HIRIP3: variants seen among roughly 807,000 people sequenced by gnomAD.
The protein encoded by HIRIP3 is HIRA-interacting protein 3.
HIRIP3 carries 40 observed loss-of-function variants against 50.3 expected under a neutral mutation model. The ratio of observed to expected loss-of-function variants is 0.79; its 90% CI spans 0.62 to 1.03. HIRIP3 has a LOEUF of 1.03. Among genes scored for constraint, HIRIP3 ranks in the 50% least tolerant of loss-of-function variants. HIRIP3 has a pLI of 0.00. For synonymous variants in HIRIP3, 318 were observed against 261.6 expected, an observed-to-expected ratio of 1.22 and a Z score of -2.08; for missense variants, 765 against 705.4, an observed-to-expected ratio of 1.08 and a Z score of -0.96.
rs2070047227 is a variant in HIRIP3 at position 29,994,661 on chromosome 16, C to T, written c.484G>A (p.Glu162Lys). 5.6e-6 allele frequency: 9 copies of T among 1,614,020 alleles called. No homozygotes were observed. The highest frequency in any genetic ancestry group is 1.3e-5 in the African/African-American group (1 of 74,906). ...TTCCCCTTGTACCCCTTTTCCTCCT[C>T]CTCACTGCTCTCCTCTCCCCTCTGT... ...PAQRGEESSE[E>K]EEKGYKGKTR... The change falls in exon 4 of 7, where the codon GAG becomes AAG. Residue 162 changes from glutamate to lysine, a missense_variant. Coordinates refer to ENST00000279392, the MANE Select transcript of HIRIP3 (RefSeq NM_003609.5).
Position 29,994,048 on chromosome 16 carries a change from T to C in HIRIP3, c.1097A>G (p.Glu366Gly). Residue 366 changes from glutamate to glycine, a missense_variant, in exon 4 of 7, where the codon GAG (glutamate) becomes GGG (glycine). Glu to Gly is a moderately conservative substitution (Grantham distance 98, BLOSUM62 -2). Transcript: ENST00000279392. ...GSTSGEESDL[E>G]REVSDSEAGG... ...TGCCTCGCTGTCACTTACCTCCCTC[T>C]CCAAGTCACTTTCCTCACCACTGGT... 1 of 1,612,158 alleles carries C rather than the reference T, an allele frequency of 6.2e-7. No individual in the cohort carries two copies. Among genetic ancestry groups the C allele is most frequent in the Non-Finnish European group, 8.5e-7 (1 of 1,178,878 alleles).
Position 29,993,174 on chromosome 16 carries a change from T to G in HIRIP3, c.*33A>C. ...AGGGGTGCTATGTATGCTTTGTACA[T>G]GTATCAAGGGTCCCTCCTGGGGGTG... On this transcript the variant is annotated 3_prime_UTR_variant, in exon 7 of 7. Coordinates refer to ENST00000279392, the MANE Select transcript of HIRIP3 (RefSeq NM_003609.5). 1 of 1,554,856 alleles carries G rather than the reference T, an allele frequency of 6.4e-7. No individual in the cohort carries two copies.
chr16:29,995,711 G>A (rs1284244602), upstream of HIRIP3: 6 of 1,423,394 alleles, frequency 4.2e-6, no homozygotes, highest in Non-Finnish European at 5.8e-6. Context: ...AACGTGGGGC[G>A]AGGGACCGTT....
chr16:29,993,853 G>A, intron 4 of HIRIP3, 45 bp from the exon 5 acceptor site: 3 of 1,609,814 alleles, frequency 1.9e-6, no homozygotes, highest in Non-Finnish European at 2.5e-6. Context: ...CTGGGCCTGA[G>A]GCAGGGTCTC....
chr16:29,995,692 T>G (rs894650624), upstream of HIRIP3: 1 of 1,524,846 alleles, frequency 6.6e-7, no homozygotes, highest in Non-Finnish European at 8.9e-7. Flanking sequence ...GCACGCGCAG[T>G]GCTGCGGCAA....
chr16:29,993,991 CG>C lies in HIRIP3; in HGVS notation c.1153del (p.Arg385AlafsTer42), dbSNP rs2070025518. 2 of 1,581,350 alleles carry C rather than the reference CG, an allele frequency of 1.3e-6. No individual in the cohort carries two copies. Among genetic ancestry groups the C allele is most frequent in the African/African-American group, 2.7e-5 (2 of 73,556 alleles). ...GGGPQGERKN[R>X]SSKKSSRKGR... ...TTTCCTGGAGCTCTTCTTGGAAGAG[CG>C]GTTCTTCCTCTCCCCCTGGGGGCCT... On this transcript the variant is annotated frameshift_variant, in exon 4 of 7. Coordinates refer to ENST00000279392, the MANE Select transcript of HIRIP3 (RefSeq NM_003609.5). LOFTEE classifies it high-confidence loss of function.
At chr16:29,994,992 A>C (rs981455693) in intron 3 of HIRIP3, 111 bp downstream of exon 3, 2 of 1,479,968 alleles carry the variant, frequency 1.4e-6, no homozygotes, top group Non-Finnish European at 1.9e-6. Flanking sequence ...TTCCTGACTC[A>C]CTAGCCTTGC....
Position 29,994,759 on chromosome 16 carries a change from T to A in HIRIP3, c.386A>T (p.Glu129Val). ...GVAAEVSPAK[E>V]ENPRRASKAV... ...CTTTGAGGCTCGCCTTGGATTCTCCTCTTTGGCTGGGCTGACTTCTGCTGC... is the reference window on the plus strand; with the variant it reads ...CTTTGAGGCTCGCCTTGGATTCTCCACTTTGGCTGGGCTGACTTCTGCTGC... The change falls in exon 4 of 7, where the codon GAG (glutamate) becomes GTG (valine). Residue 129 changes from glutamate (E) to valine (V), a missense_variant. Coordinates refer to ENST00000279392, the MANE Select transcript of HIRIP3 (RefSeq NM_003609.5). 2 of 1,614,212 alleles carry A rather than the reference T, an allele frequency of 1.2e-6. No individual in the cohort carries two copies. Among genetic ancestry groups the A allele is most frequent in the Non-Finnish European group, 1.7e-6 (2 of 1,180,044 alleles).
At position 29,993,185 on chromosome 16, in the gene HIRIP3, T is replaced by C; in HGVS notation, c.*22A>G. On this transcript the variant is annotated 3_prime_UTR_variant, in exon 7 of 7. Transcript: ENST00000279392. ...GTATGCTTTGTACATGTATCAAGGG[T>C]CCCTCCTGGGGGTGGCAGAGCTCAG... 6.4e-7 allele frequency: 1 copy of C among 1,568,034 alleles called. No individual in the cohort carries two copies. The highest frequency in any genetic ancestry group is 8.6e-7 in the Non-Finnish European group (1 of 1,157,728).
chr16:29,992,391 C>T lies in HIRIP3; in HGVS notation c.*816G>A, dbSNP rs953561564. 11 of 152,184 alleles carry T rather than the reference C, an allele frequency of 7.2e-5. No homozygotes were observed. Among genetic ancestry groups the T allele is most frequent in the Non-Finnish European group, 1.3e-4 (9 of 68,056 alleles). The allele number at this position is 152,184 out of a possible 1,614,324, so 9.4% of individuals were successfully genotyped here. A position where few individuals can be genotyped will look rare whatever the true frequency, so the allele number is the denominator to read the frequency against. ...CTAAACATTTCAGTGATTTTAATGA[C>T]TTTAGGTGTGACCAGATCTCGGATC... On this transcript the variant is annotated 3_prime_UTR_variant, in exon 7 of 7. Transcript: ENST00000279392.
At chr16:29,996,020 G>A (rs2070093361), upstream of HIRIP3, 5 of 577,830 alleles carry the variant, frequency 8.7e-6, no homozygotes, top group South Asian at 8.2e-5. Flanking sequence ...GTGGCTTCAA[G>A]TGTCTAAGTA....
upstream of HIRIP3, chr16:29,995,645 T>G: frequency 6.2e-7 from 1 of 1,607,048 alleles, no homozygotes; most frequent in Non-Finnish European, 8.5e-7. Context: ...CCTTTTTTTC[T>G]TCTCGGCCTC....
chr16:29,995,864 G>A, upstream of HIRIP3: 1 of 590,310 alleles, frequency 1.7e-6, no homozygotes, highest in Non-Finnish European at 3.0e-6. Context: ...ATTCGGCGCC[G>A]GCACCCTTTG....
rs1442367420 is a variant in HIRIP3 at position 29,993,663 on chromosome 16, T to C, written c.1385A>G (p.Glu462Gly). 6.2e-7 allele frequency: 1 copy of C among 1,611,772 alleles called. No individual in the cohort carries two copies. The highest frequency in any genetic ancestry group is 2.2e-5 in the East Asian group (1 of 44,882). ...ACCCTTCATGCCTAGCGCTTCCAGT[T>C]CTGCCCGGAGGATACTCAGGCGCTC... The part of the protein sequence containing the change: ...HKERLSILRA[E>G]LEALGMKGTP... Residue 462 changes from glutamate to glycine, a missense_variant, in exon 5 of 7, where the codon GAA (glutamate) becomes GGA (glycine). Coordinates refer to ENST00000279392, the MANE Select transcript of HIRIP3 (RefSeq NM_003609.5).
Position 29,993,360 on chromosome 16 carries a change from G to A in HIRIP3, c.1518C>T (p.Arg506=), listed in dbSNP as rs1485379601. 1 of 1,552,358 alleles carries A rather than the reference G, an allele frequency of 6.4e-7. No homozygotes were observed. Among genetic ancestry groups the A allele is most frequent in the South Asian group, 1.2e-5 (1 of 82,620 alleles). Reference sequence around the variant, plus strand: ...CTAAAGGGTTCCAGGCTGTACGTCTGCGTGGCCGGCCTAGGGGAAAGGGGA... The same window carrying A: ...CTAAAGGGTTCCAGGCTGTACGTCTACGTGGCCGGCCTAGGGGAAAGGGGA... ...ANIISGSGRP[R]RRTAWNPLGE... Residue 506 remains arginine (R), a synonymous_variant, in exon 7 of 7, where the codon CGC becomes CGT. Coordinates refer to ENST00000279392, the MANE Select transcript of HIRIP3 (RefSeq NM_003609.5).
In HIRIP3 at chr16:29,994,011, G is replaced by A. The variant is rs199656668; in HGVS notation, c.1134C>T (p.Pro378=). 1 of 1,601,732 alleles carries A rather than the reference G, an allele frequency of 6.2e-7. No individual in the cohort carries two copies. The highest frequency in any genetic ancestry group is 1.3e-5 in the African/African-American group (1 of 74,616). ...EVSDSEAGGG[P]QGERKNRSSK... is the part of the protein sequence containing the mutation. ...AAGAGCGGTTCTTCCTCTCCCCCTG[G>A]GGGCCTCCCCCTGCCTCGCTGTCAC... is the stretch of plus-strand genomic sequence containing the variant. The change falls in exon 4 of 7, where the codon CCC becomes CCT. Residue 378 remains proline (P), a synonymous_variant. Coordinates refer to ENST00000279392, the MANE Select transcript of HIRIP3 (RefSeq NM_003609.5).
At position 29,993,250 on chromosome 16, in the gene HIRIP3, G is replaced by T; in HGVS notation, c.1628C>A (p.Ser543Ter). The stretch of plus-strand genomic sequence containing the variant: ...ACTGCTGATGATGCCACGCATATGT[G>T]ACCAGTCTGGGGGTGCGGGACGGGG... Reference protein sequence around the residue: ...ERPRPAPPDWSHMRGIISSDG... With the variant: ...ERPRPAPPDW Residue 543 changes from serine to a stop codon, truncating the protein, a stop_gained, in exon 7 of 7, where the codon TCA (serine) becomes TAA (stop). Coordinates refer to ENST00000279392, the MANE Select transcript of HIRIP3 (RefSeq NM_003609.5). LOFTEE classifies it high-confidence loss of function. 6.3e-7 allele frequency: 1 copy of T among 1,586,220 alleles called. No individual in the cohort carries two copies.
At position 29,994,710 on chromosome 16, in the gene HIRIP3, C is replaced by T. The variant is rs2070048487; in HGVS notation, c.435G>A (p.Glu145=). ...GTGCGGGCAGGTCCCTCTGCCGTTC[C>T]TCATCACTGCTCTCCTCAACTGCCT... is the stretch of plus-strand genomic sequence containing the variant. ...ASKAVEESSD[E]ERQRDLPAQR... is the part of the protein sequence containing the mutation. Residue 145 remains glutamate, a synonymous_variant, in exon 4 of 7, where the codon GAG becomes GAA. Transcript: ENST00000279392. 1 of 1,614,204 alleles carries T rather than the reference C, an allele frequency of 6.2e-7. No individual in the cohort carries two copies. The highest frequency in any genetic ancestry group is 1.3e-5 in the African/African-American group (1 of 75,042).
Position 29,993,441 on chromosome 16 carries a change from TGA to T in HIRIP3, c.1507+16_1507+17del. On this transcript the variant is annotated intron_variant, in intron 6 of 6. Coordinates refer to ENST00000279392, the MANE Select transcript of HIRIP3 (RefSeq NM_003609.5). ...ACCCCACCTATCTGCTCCTGGGCAG[TGA>T]GAGGAAACCCCTTACCCGAGCCACT... 1 of 1,604,980 alleles carries T rather than the reference TGA, an allele frequency of 6.2e-7. No homozygotes were observed. Among genetic ancestry groups the T allele is most frequent in the Non-Finnish European group, 8.5e-7 (1 of 1,173,686 alleles).
Sources: gnomAD v4.1 joint callset for allele counts on GRCh38, gnomAD v4.1.1 for gene constraint, MANE v1.5 for transcripts, NCBI Gene and HGNC (gene_info 2026-07-23, HGNC 2026-07-21) for gene names.